Variants in SDK1 observed in about 807,000 individuals in gnomAD.
The protein encoded by SDK1 is protein sidekick-1.
In SDK1, 157 loss-of-function variants were observed where a neutral mutation model predicts 245.5. The observed-to-expected ratio is 0.64, with a 90% CI of 0.56 to 0.73. SDK1 has a LOEUF of 0.73. Among genes scored for constraint, SDK1 ranks in the 30% least tolerant of loss-of-function variants. The probability of loss-of-function intolerance (pLI) is 0.00; values close to 1 mark genes in which losing one functional copy is unlikely to be tolerated. For missense variants in SDK1, 3,583 were observed against 3,002.3 expected, an observed-to-expected ratio of 1.19 and a Z score of -4.52; for synonymous variants, 1,647 against 1,278.5, an observed-to-expected ratio of 1.29 and a Z score of -6.15.
chr7:3,967,705 G>T (rs1366951448), intron 10 of SDK1, among the ~76,000 whole-genome samples: 1 of 152,188 alleles, frequency 6.6e-6, no homozygotes, highest in Non-Finnish European at 1.5e-5. Flanking sequence ...GGAGTGTGCA[G>T]CCTAGATCCT....
chr7:3,597,472 C>T (rs1562591310), intron 1 of SDK1, among the ~76,000 whole-genome samples: 1 of 152,076 alleles, frequency 6.6e-6, no homozygotes, highest in African/African-American at 2.4e-5. Context: ...AGAAACAGGA[C>T]ACAGAACACC....
intron 30 of SDK1, among the ~76,000 whole-genome samples, chr7:4,151,275 C>T (rs556991741): frequency 2.7e-4 from 41 of 152,206 alleles, no homozygotes; most frequent in African/African-American, 9.9e-4. Flanking sequence ...TCTGTGGCCC[C>T]AGAGGACCCA....
chr7:3,965,686 A>G (rs1214493132), intron 9 of SDK1, among the ~76,000 whole-genome samples: 2 of 151,940 alleles, frequency 1.3e-5, no homozygotes, highest in East Asian at 3.9e-4. Context: ...TGCAGGGAGG[A>G]GAAAGGCAGT....
intron 4 of SDK1, among the ~76,000 whole-genome samples, chr7:3,662,041 ATTTTTTTTTTTTT>A (rs572659449): frequency 8.0e-6 from 1 of 125,776 alleles, no homozygotes; most frequent in African/African-American, 3.2e-5. Flanking sequence ...CAACGGTTGT[ATTTTTTTTTTTTT>A]TTTTTTTTTT....
intron 1 of SDK1, among the ~76,000 whole-genome samples, chr7:3,470,724 T>C (rs1482768511): frequency 1.3e-5 from 2 of 152,188 alleles, no homozygotes; most frequent in Non-Finnish European, 2.9e-5. Context: ...AGCAGGAGAA[T>C]CCAGTTTTCC....
intron 4 of SDK1, among the ~76,000 whole-genome samples, chr7:3,676,406 A>C (rs1456634067): frequency 1.3e-5 from 2 of 150,004 alleles, no homozygotes; most frequent in Non-Finnish European, 3.0e-5. Flanking sequence ...GCTCAGTGCA[A>C]GCTCCACCTC....
intron 40 of SDK1, among the ~76,000 whole-genome samples, chr7:4,230,967 A>G (rs978207041): frequency 3.9e-5 from 6 of 152,142 alleles, no homozygotes. Context: ...GTCTGATCAA[A>G]GAGTAGACCG....
At chr7:4,091,864 G>A (rs557133218) in intron 22 of SDK1, among the ~76,000 whole-genome samples, 9 of 152,038 alleles carry the variant, frequency 5.9e-5, no homozygotes, top group African/African-American at 1.2e-4. Flanking sequence ...TCTTAATGCC[G>A]GAATTCTGGC....
intron 13 of SDK1, among the ~76,000 whole-genome samples, chr7:3,986,469 C>T (rs1011513474): frequency 5.3e-5 from 8 of 152,222 alleles, no homozygotes; most frequent in Admixed American, 2.0e-4. Context: ...GAAACATTCC[C>T]GTTACATGTA....
chr7:3,922,971 C>G (rs1779645217), intron 5 of SDK1, among the ~76,000 whole-genome samples: 1 of 152,160 alleles, frequency 6.6e-6, no homozygotes, highest in Admixed American at 6.6e-5. Context: ...TCTTTGAATT[C>G]TGGAGAAAAC....
chr7:3,547,132 A>C (rs1779248641), intron 1 of SDK1, among the ~76,000 whole-genome samples: 1 of 152,184 alleles, frequency 6.6e-6, no homozygotes, highest in East Asian at 1.9e-4. Context: ...ATTATGATTT[A>C]ACCCTAATGT....
At chr7:4,069,513 C>G (rs557312924) in intron 20 of SDK1, among the ~76,000 whole-genome samples, 1 of 152,362 alleles carries the variant, frequency 6.6e-6, no homozygotes, top group South Asian at 2.1e-4. Context: ...CAGTTTGGAG[C>G]TGAGCTGCGT....
At chr7:4,037,004 A>T (rs59332676) in intron 17 of SDK1, among the ~76,000 whole-genome samples, 1 of 152,166 alleles carries the variant, frequency 6.6e-6, no homozygotes, top group African/African-American at 2.4e-5. Flanking sequence ...TTTGATACCA[A>T]TATCCTCTGC....
At chr7:3,698,300 T>G (rs1474924223) in intron 4 of SDK1, among the ~76,000 whole-genome samples, 1 of 152,110 alleles carries the variant, frequency 6.6e-6, no homozygotes, top group East Asian at 1.9e-4. Flanking sequence ...GAAAGAAGGA[T>G]GGGTGTGGGG....
In SDK1 at chr7:3,619,114, C is replaced by T. The variant is rs1781857459; in HGVS notation, c.333C>T (p.Gly111=). The change falls in exon 2 of 45, where the codon GGC becomes GGT. Residue 111 remains glycine (G), a synonymous_variant. Coordinates refer to ENST00000404826, the MANE Select transcript of SDK1 (RefSeq NM_152744.4). The part of the protein sequence containing the change: ...DVAPYFKTEP[G]LPQIHLEGNR... ...CTCCATATTTTAAAACGGAGCCAGG[C>T]CTACCACAGATCCACCTGGAAGGGA... 1 of 1,612,310 alleles carries T rather than the reference C, an allele frequency of 6.2e-7. No homozygotes were observed. Among genetic ancestry groups the T allele is most frequent in the East Asian group, 2.2e-5 (1 of 44,800 alleles).
chr7:3,412,345 C>CA (rs1306035394), intron 1 of SDK1, among the ~76,000 whole-genome samples: 1 of 152,090 alleles, frequency 6.6e-6, no homozygotes, highest in Non-Finnish European at 1.5e-5. Context: ...AAAATGGTAT[C>CA]AAACTGTATA....
intron 5 of SDK1, among the ~76,000 whole-genome samples, chr7:3,930,531 G>A (rs74607014): frequency 0.037 from 5,660 of 152,330 alleles, 156 homozygotes; most frequent in Middle Eastern, 0.1. Flanking sequence ...AAGAACAGCA[G>A]TAAAGCCAGA....
At chr7:4,070,965 C>A (rs183205334) in intron 20 of SDK1, among the ~76,000 whole-genome samples, 1 of 152,102 alleles carries the variant, frequency 6.6e-6, no homozygotes, top group African/African-American at 2.4e-5. Flanking sequence ...CCACTTTGGC[C>A]TCCCAAAGTG....
rs140341232 is a variant in SDK1, at chr7:3,929,669, T to A, written c.848-21254T>A. On this transcript the variant is annotated intron_variant, in intron 5 of 44. Coordinates refer to ENST00000404826, the MANE Select transcript of SDK1 (RefSeq NM_152744.4). ...GGGTTGTAGGGATTTGGAGGAAAGG[T>A]CAGAGTGATAGGGAGTGTTTTGGAG... is the stretch of plus-strand genomic sequence containing the variant. Among the ~76,000 whole-genome samples the A allele has an allele frequency of 5.3e-5, 8 of 152,208 alleles. No homozygotes were observed. In the East Asian group the frequency reaches 1.5e-3, roughly 29 times the overall value.
Sources: allele counts gnomAD v4.1 joint callset (sites outside exome capture counted in the v4.1 genomes callset), GRCh38; gene constraint gnomAD v4.1.1; transcripts MANE v1.5; gene names NCBI Gene and HGNC (gene_info 2026-07-23, HGNC 2026-07-21).